DPP6: variants seen among roughly 807,000 people sequenced by gnomAD.
DPP6 encodes the protein dipeptidyl peptidase like 6.
In DPP6, 69 loss-of-function variants were observed where a neutral mutation model predicts 122.6. The ratio of observed to expected loss-of-function variants is 0.56; its 90% CI spans 0.46 to 0.69. DPP6 has a LOEUF of 0.69. Ranked by LOEUF, DPP6 falls within the 30% of genes least tolerant of loss-of-function variation. The pLI, the probability that DPP6 is intolerant of heterozygous loss-of-function variation, is 0.00. For missense variants in DPP6, 928 were observed against 1,116.9 expected (o/e 0.83, Z 2.41); for synonymous variants, 418 against 433.1 (o/e 0.97, Z 0.43).
intron 1 of DPP6, among the ~76,000 whole-genome samples, chr7:153,890,863 T>G (rs926818547): frequency 4.7e-5 from 7 of 149,004 alleles, no homozygotes; most frequent in Non-Finnish European, 8.9e-5. Context: ...GGCTTTTTTT[T>G]TTTTTTGCAT....
intron 7 of DPP6, among the ~76,000 whole-genome samples, chr7:154,678,568 C>T (rs1161935319): frequency 6.6e-6 from 1 of 152,226 alleles, no homozygotes; most frequent in Non-Finnish European, 1.5e-5. Context: ...ATTCCGGACA[C>T]AGCATCTTCA....
chr7:154,298,673 C>T (rs1361699929), intron 1 of DPP6, among the ~76,000 whole-genome samples: 4 of 152,110 alleles, frequency 2.6e-5, no homozygotes, highest in Non-Finnish European at 5.9e-5. Flanking sequence ...GTGATGAGTG[C>T]GTTAGGGCCT....
At chr7:154,592,499 A>G (rs1832860996) in intron 5 of DPP6, among the ~76,000 whole-genome samples, 1 of 152,216 alleles carries the variant, frequency 6.6e-6, no homozygotes, top group Admixed American at 6.5e-5. Flanking sequence ...CGTGGATCTT[A>G]CATCCTGCTG....
intron 3 of DPP6, among the ~76,000 whole-genome samples, chr7:154,511,199 G>A (rs1356107388): frequency 6.6e-6 from 1 of 152,064 alleles, no homozygotes; most frequent in Non-Finnish European, 1.5e-5. Context: ...AATTTGAGAT[G>A]GGATAACATA....
At chr7:154,721,390 C>T (rs1214329140) in intron 7 of DPP6, among the ~76,000 whole-genome samples, 1 of 152,178 alleles carries the variant, frequency 6.6e-6, no homozygotes, top group Non-Finnish European at 1.5e-5. Context: ...GTGTCTTCAT[C>T]TACAAAGCAG....
intron 3 of DPP6, among the ~76,000 whole-genome samples, chr7:154,501,741 G>C (rs1218098664): frequency 1.3e-5 from 2 of 152,222 alleles, no homozygotes; most frequent in Non-Finnish European, 2.9e-5. Context: ...AGTGTGGAAG[G>C]AAAATGTGGG....
intron 3 of DPP6, among the ~76,000 whole-genome samples, chr7:154,487,536 T>C (rs1342638905): frequency 1.3e-5 from 2 of 152,306 alleles, no homozygotes; most frequent in East Asian, 3.9e-4. Flanking sequence ...CAGGAGTTTG[T>C]TTTACTTTAG....
At chr7:154,259,808 A>T (rs190365505) in intron 1 of DPP6, among the ~76,000 whole-genome samples, 1 of 152,192 alleles carries the variant, frequency 6.6e-6, no homozygotes, top group Admixed American at 6.5e-5. Flanking sequence ...TGTATGCCAA[A>T]CGCGTTCACA....
Position 154,210,591 on chromosome 7 carries a change from G to A in DPP6, c.243+157528G>A, listed in dbSNP as rs117278626. Among the ~76,000 whole-genome samples, 1,087 of 152,256 alleles carry A rather than the reference G, an allele frequency of 7.1e-3. 9 individuals carry two copies. Among genetic ancestry groups the A allele is most frequent in the Non-Finnish European group, 0.01 (698 of 68,026 alleles). On this transcript the variant is annotated intron_variant, in intron 1 of 25. Coordinates refer to ENST00000377770, the MANE Select transcript of DPP6 (RefSeq NM_130797.4). Reference sequence around the variant, plus strand: ...GTTATTTTTATTATTTAACCTCAGTGTGTTGTCTGGCAAATAGAAGACACA... The same window carrying A: ...GTTATTTTTATTATTTAACCTCAGTATGTTGTCTGGCAAATAGAAGACACA...
In DPP6 at chr7:154,792,611, G is replaced by A. The variant is rs566436109; in HGVS notation, c.1137-1468G>A. Among the ~76,000 whole-genome samples, 45 of 152,236 alleles carry A rather than the reference G, an allele frequency of 3.0e-4. 1 individual carries two copies. Among genetic ancestry groups the A allele is most frequent in the Admixed American group, 2.7e-3 (42 of 15,286 alleles). On this transcript the variant is annotated intron_variant, in intron 10 of 25. Transcript: ENST00000377770. The stretch of plus-strand genomic sequence containing the variant: ...GTGCCAGGGCCAGGATGGAGAGCAG[G>A]GGGGAGGGCATGGTCCCTGTGGACA...
At chr7:154,008,695 T>C (rs1384231018) in intron 1 of DPP6, among the ~76,000 whole-genome samples, 30 of 143,196 alleles carry the variant, frequency 2.1e-4, no homozygotes, top group Non-Finnish European at 4.1e-4. Context: ...GGAGTCTCGC[T>C]CTGTCGCCCA....
At chr7:154,105,783 G>A (rs1271875404) in intron 1 of DPP6, among the ~76,000 whole-genome samples, 9 of 152,012 alleles carry the variant, frequency 5.9e-5, no homozygotes, top group Admixed American at 2.0e-4. Flanking sequence ...GCCTTCTGCC[G>A]TGATTGTGAG....
chr7:154,792,140 C>A (rs1025952239), intron 10 of DPP6, among the ~76,000 whole-genome samples: 1 of 152,242 alleles, frequency 6.6e-6, no homozygotes, highest in Admixed American at 6.5e-5. Context: ...CATTTTCTTT[C>A]TTGATTGCAT....
chr7:154,801,040 T>A (rs1176851166), intron 12 of DPP6, among the ~76,000 whole-genome samples: 1 of 151,936 alleles, frequency 6.6e-6, no homozygotes, highest in Non-Finnish European at 1.5e-5. Context: ...GAGTTCCTGT[T>A]CTCACTGGTG....
At chr7:154,291,426 G>T (rs1216046681) in intron 1 of DPP6, among the ~76,000 whole-genome samples, 1 of 152,196 alleles carries the variant, frequency 6.6e-6, no homozygotes, top group Non-Finnish European at 1.5e-5. Flanking sequence ...CCACTCCAAG[G>T]TCCAGTTCTT....
At chr7:154,368,836 A>C (rs1812403688) in intron 1 of DPP6, among the ~76,000 whole-genome samples, 1 of 152,222 alleles carries the variant, frequency 6.6e-6, no homozygotes, top group Admixed American at 6.5e-5. Flanking sequence ...GATTTGCTTC[A>C]GCTTCAAAGA....
rs1483362261 is a variant in DPP6 at position 154,008,787 on chromosome 7, G to A, written c.51+121053G>A. Reference sequence around the variant, plus strand: ...CGCCATTCTCCTGCCTCAGCCTCCCGAGTAGCTGGGACTACAGGCGCCCGC... The same window carrying A: ...CGCCATTCTCCTGCCTCAGCCTCCCAAGTAGCTGGGACTACAGGCGCCCGC... On this transcript the variant is annotated intron_variant, in intron 1 of 25. Transcript: ENST00000404039. Among the ~76,000 whole-genome samples the A allele has an allele frequency of 4.1e-5, 6 of 148,098 alleles. No homozygotes were observed. In the East Asian group the frequency reaches 8.1e-4, roughly 20 times the overall value.
chr7:154,169,973 C>T (rs1797452213), intron 1 of DPP6, among the ~76,000 whole-genome samples: 1 of 152,186 alleles, frequency 6.6e-6, no homozygotes, highest in Non-Finnish European at 1.5e-5. Flanking sequence ...ATCCACCCAC[C>T]TCGGCCTCCC....
intron 1 of DPP6, among the ~76,000 whole-genome samples, chr7:153,935,943 C>T (rs553047012): frequency 3.9e-5 from 6 of 152,200 alleles, no homozygotes; most frequent in Non-Finnish European, 7.3e-5. Flanking sequence ...GAGCTGTGCT[C>T]ATGATCATCA....
Sources: gnomAD v4.1 joint callset for allele counts (sites outside exome capture counted in the v4.1 genomes callset) on GRCh38, gnomAD v4.1.1 for gene constraint, MANE v1.5 for transcripts, NCBI Gene and HGNC (gene_info 2026-07-23, HGNC 2026-07-21) for gene names.